The following INO80 variants were observed in gnomAD, a reference collection of about 807,000 sequenced individuals.
INO80 encodes the protein INO80 complex ATPase subunit, also known as chromatin-remodeling ATPase INO80.
A neutral mutation model predicts 203.4 loss-of-function variants in INO80; 20 were observed. The observed-to-expected ratio is 0.10, with a 90% CI of 0.07 to 0.14. The LOEUF is 0.14. Ranked by LOEUF, INO80 falls within the 10% of genes least tolerant of loss-of-function variation. INO80 has a pLI of 1.00. For synonymous variants in INO80, 726 were observed against 685.2 expected (o/e 1.06, Z -0.93); for missense variants, 1,419 against 1,914.4 (o/e 0.74, Z 4.83).
At chr15:41,084,754 T>C (rs1021335216) in intron 7 of INO80, among the ~76,000 whole-genome samples, 2 of 152,164 alleles carry the variant, frequency 1.3e-5, no homozygotes, top group Admixed American at 1.3e-4. Flanking sequence ...AATAAATAAA[T>C]ATTTATTATG....
intron 28 of INO80, among the ~76,000 whole-genome samples, chr15:41,003,544 G>A (rs1296597758): frequency 6.6e-6 from 1 of 151,758 alleles, no homozygotes; most frequent in Non-Finnish European, 1.5e-5. Context: ...TGGCTGGGCT[G>A]GTCTCGAACT....
rs2045292104 is a variant in INO80 at position 41,070,452 on chromosome 15, A to G, written c.1686+15T>C. ...ATTCTAGAGAAATGAAGATAGAAAG[A>G]TTGCATCTACCCACCTCAGCCAGAT... On this transcript the variant is annotated intron_variant, in intron 13 of 35. Coordinates refer to ENST00000648947, the MANE Select transcript of INO80 (RefSeq NM_017553.3). 1.2e-6 allele frequency: 2 copies of G among 1,605,924 alleles called. No homozygotes were observed. Among genetic ancestry groups the G allele is most frequent in the Non-Finnish European group, 8.5e-7 (1 of 1,172,782 alleles).
intron 1 of INO80, among the ~76,000 whole-genome samples, chr15:41,112,808 A>C (rs1032248603): frequency 5.3e-5 from 8 of 151,420 alleles, no homozygotes; most frequent in African/African-American, 1.7e-4. Flanking sequence ...AAAAAAAAAA[A>C]AAAAACTTTT....
chr15:41,085,272 C>T, intron 7 of INO80, 97 bp downstream of exon 7: 1 of 1,024,972 alleles, frequency 9.8e-7, no homozygotes, highest in Non-Finnish European at 1.5e-6. Flanking sequence ...TTGCAGAATT[C>T]CTATCTGTGA....
chr15:41,075,488 T>C (rs900008039), intron 9 of INO80, among the ~76,000 whole-genome samples: 3 of 152,024 alleles, frequency 2.0e-5, no homozygotes, highest in Non-Finnish European at 4.4e-5. Flanking sequence ...AGAGTCTCCC[T>C]CTGTCGCCCA....
chr15:41,048,168 T>C, intron 22 of INO80, 44 bp downstream of exon 22: 1 of 1,473,270 alleles, frequency 6.8e-7, no homozygotes, highest in South Asian at 1.1e-5. Context: ...AGCATCCTGG[T>C]AAAACCCTGA....
At chr15:41,077,345 A>G (rs976804381) in intron 9 of INO80, among the ~76,000 whole-genome samples, 2 of 150,614 alleles carry the variant, frequency 1.3e-5, no homozygotes, top group South Asian at 4.2e-4. Context: ...AAAACAATAC[A>G]ATAGGGAATA....
chr15:41,082,143 G>C (rs755769960), intron 7 of INO80, among the ~76,000 whole-genome samples: 1 of 151,586 alleles, frequency 6.6e-6, no homozygotes, highest in Non-Finnish European at 1.5e-5. Context: ...CTAGCTACTC[G>C]GGAGGCTGAA....
chr15:41,099,237 CAAAAAAAAA>C (rs71104771), intron 1 of INO80, among the ~76,000 whole-genome samples: 3 of 21,076 alleles, frequency 1.4e-4, no homozygotes, highest in Non-Finnish European at 2.0e-4. Flanking sequence ...GACCCTGTCT[CAAAAAAAAA>C]AAAAAAAAAA....
At chr15:41,107,869 A>T (rs2045903735) in intron 1 of INO80, among the ~76,000 whole-genome samples, 1 of 151,968 alleles carries the variant, frequency 6.6e-6, no homozygotes, top group Non-Finnish European at 1.5e-5. Flanking sequence ...TGGGAGGCCA[A>T]GGAGGGTGGA....
At chr15:41,046,206 C>CATACATATAT (rs1268610100) in intron 23 of INO80, among the ~76,000 whole-genome samples, 17 of 14,394 alleles carry the variant, frequency 1.2e-3, no homozygotes, top group African/African-American at 3.4e-3. Flanking sequence ...CGTATACATA[C>CATACATATAT]ATATATATAT....
chr15:41,016,006 A>C, intron 27 of INO80, 82 bp downstream of exon 27: 1 of 1,118,456 alleles, frequency 8.9e-7, no homozygotes, highest in Non-Finnish European at 1.3e-6. Context: ...CCCATTAAGC[A>C]GGACTAACAT....
intron 32 of INO80, 46 bp downstream of exon 32, chr15:40,985,292 C>A (rs1235206831): frequency 1.1e-5 from 16 of 1,411,624 alleles, no homozygotes; most frequent in Non-Finnish European, 1.6e-5. Context: ...TTGGTAAGTA[C>A]CCCAGGCCCC....
intron 26 of INO80, chr15:41,016,862 G>A (rs2044218018): frequency 6.6e-6 from 1 of 151,494 alleles, no homozygotes. Context: ...AGTTAATTTT[G>A]TTTCTCTTTT....
In INO80 at chr15:41,074,388, T is replaced by G; in HGVS notation, c.1309A>C (p.Ile437Leu). 6.2e-7 allele frequency: 1 copy of G among 1,612,030 alleles called. No individual in the cohort carries two copies. ...IDIGGGVVVN[I>L]TQEDYDSNHF... ...GACTCACCATAATCCTCCTGTGTGA[T>G]GTTAACTACCACTCCTCCACCTATA... Residue 437 changes from isoleucine (I) to leucine (L), a missense_variant, in exon 10 of 36, where the codon ATC (isoleucine) becomes CTC (leucine). Around this residue, in one of 9 missense-constraint regions of INO80, gnomAD observed 116 missense variants for 119.5 expected, o/e 0.97. Coordinates refer to ENST00000648947, the MANE Select transcript of INO80 (RefSeq NM_017553.3).
intron 1 of INO80, among the ~76,000 whole-genome samples, chr15:41,113,226 A>C (rs1446378505): frequency 1.3e-5 from 2 of 151,296 alleles, no homozygotes; most frequent in African/African-American, 4.9e-5. Context: ...ATTTAATGTG[A>C]ATTTGTATGT....
intron 4 of INO80, among the ~76,000 whole-genome samples, chr15:41,093,367 G>C (rs1415439519): frequency 6.6e-6 from 1 of 151,964 alleles, no homozygotes; most frequent in Admixed American, 6.6e-5. Flanking sequence ...AGAGGTTGCA[G>C]TGAGCTGAGA....
intron 29 of INO80, among the ~76,000 whole-genome samples, chr15:40,994,317 T>C (rs532360071): frequency 6.6e-6 from 1 of 152,310 alleles, no homozygotes; most frequent in South Asian, 2.1e-4. Context: ...ATTCTCATGC[T>C]ACCACTCCTT....
At chr15:41,072,544 C>T (rs1414395513) in intron 11 of INO80, among the ~76,000 whole-genome samples, 1 of 150,872 alleles carries the variant, frequency 6.6e-6, no homozygotes, top group Non-Finnish European at 1.5e-5. Flanking sequence ...CATGGTGAAA[C>T]CCCGTCTCTA....
Sources: gnomAD v4.1 joint callset for allele counts (sites outside exome capture counted in the v4.1 genomes callset) on GRCh38, gnomAD v4.1.1 for gene constraint, gnomAD v4.1.1 regional missense constraint, MANE v1.5 for transcripts, NCBI Gene and HGNC (gene_info 2026-07-23, HGNC 2026-07-21) for gene names.